Variants in ECE2 observed in about 807,000 individuals in gnomAD.
ECE2 encodes the protein endothelin converting enzyme 2.
A neutral mutation model predicts 100.6 loss-of-function variants in ECE2; 81 were observed. The observed-to-expected ratio is 0.81, with a 90% CI of 0.67 to 0.97. The LOEUF (loss-of-function observed/expected upper bound fraction) is 0.97, where lower values mean the gene tolerates loss of function less well. Among genes scored for constraint, ECE2 ranks in the 50% least tolerant of loss-of-function variants. ECE2 has a pLI of 0.00. For synonymous variants in ECE2, 391 were observed against 391.5 expected, an observed-to-expected ratio of 1.00 and a Z score of 0.02; for missense variants, 911 against 988.1, an observed-to-expected ratio of 0.92 and a Z score of 1.05.
At chr3:184,292,014 G>A (rs764122502) in intron 18 of ECE2, 48 bp from the exon 19 acceptor site, 19 of 1,562,916 alleles carry the variant, frequency 1.2e-5, no homozygotes, top group African/African-American at 1.1e-4. Context: ...TCTAAGGCCC[G>A]GCTCCACACT....
At position 184,292,064 on chromosome 3, in the gene ECE2, G is replaced by A. The variant is rs1025326148; in HGVS notation, c.2124G>A (p.Val708=). 4.3e-6 allele frequency: 7 copies of A among 1,611,684 alleles called. No homozygotes were observed. Among genetic ancestry groups the A allele is most frequent in the Non-Finnish European group, 5.9e-6 (7 of 1,178,434 alleles). Residue 708 remains valine, a splice_region_variant and synonymous_variant, in exon 19 of 19, where the codon GTG becomes GTA. Coordinates refer to ENST00000404464, the MANE Select transcript of ECE2 (RefSeq NM_001100121.2). The part of the protein sequence containing the change: ...HQLFFVGFAQ[V]WCSVRTPESS... ...CCCATGTCTGTCCTGGCCCGCAGGT[G>A]TGGTGCTCGGTCCGCACACCAGAGA...
In ECE2 at chr3:184,292,127, T is replaced by C. The variant is rs1164806252; in HGVS notation, c.2187T>C (p.Pro729=). 38 of 1,613,888 alleles carry C rather than the reference T, an allele frequency of 2.4e-5. No individual in the cohort carries two copies. The highest frequency in any genetic ancestry group is 4.5e-5 in the East Asian group (2 of 44,888). ...HEGLVTDPHS[P]ARFRVLGTLS... ...GGCTGGTGACCGACCCCCACAGCCCTGCCCGCTTCCGCGTGCTGGGCACTC... is the reference window on the plus strand; with the variant it reads ...GGCTGGTGACCGACCCCCACAGCCCCGCCCGCTTCCGCGTGCTGGGCACTC... The change falls in exon 19 of 19, where the codon CCT becomes CCC. Residue 729 remains proline, a synonymous_variant. Transcript: ENST00000404464.
At position 184,289,011 on chromosome 3, in the gene ECE2, C is replaced by T. The variant is rs1295752116; in HGVS notation, c.1375-426C>T. 7.2e-5 allele frequency among the ~76,000 whole-genome samples: 11 copies of T among 151,968 alleles called. No individual in the cohort carries two copies. Among genetic ancestry groups the T allele is most frequent in the East Asian group, 5.8e-4 (3 of 5,180 alleles). On this transcript the variant is annotated intron_variant, in intron 11 of 18. Coordinates refer to ENST00000404464, the MANE Select transcript of ECE2 (RefSeq NM_001100121.2). This position sits in a 1 kb window ranked among gnomAD's most constrained non-coding sequence, Gnocchi z 4.1. ...CTCTACTAAAAATACAAAAATTACC[C>T]GGGCATGATGGCGGGAGCCTGTAAT...
chr3:184,278,655 G>C, intron 7 of ECE2, 98 bp downstream of exon 7: 1 of 1,309,568 alleles, frequency 7.6e-7, no homozygotes, highest in South Asian at 1.3e-5. Flanking sequence ...CAGGGAAGGT[G>C]AGCCTATCCT....
intron 10 of ECE2, among the ~76,000 whole-genome samples, chr3:184,287,314 T>A (rs1721101182): frequency 6.9e-6 from 1 of 145,854 alleles, no homozygotes; most frequent in African/African-American, 2.6e-5. Context: ...TAGAAACTGC[T>A]GATAGACTGA....
Position 184,276,462 on chromosome 3 carries a change from A to T in ECE2, c.40-19A>T. The stretch of plus-strand genomic sequence containing the variant: ...CCCTCTCTGCCTGACCTCGGTTGGC[A>T]ACCCCGACTGTCTGGCAGATGGTGG... On this transcript the variant is annotated intron_variant, in intron 1 of 18. Coordinates refer to ENST00000404464, the MANE Select transcript of ECE2 (RefSeq NM_001100121.2). 1.2e-6 allele frequency: 2 copies of T among 1,600,426 alleles called. No individual in the cohort carries two copies. Among genetic ancestry groups the T allele is most frequent in the Non-Finnish European group, 1.7e-6 (2 of 1,175,636 alleles).
At chr3:184,287,192 C>A (rs987555801) in intron 10 of ECE2, among the ~76,000 whole-genome samples, 1 of 151,080 alleles carries the variant, frequency 6.6e-6, no homozygotes, top group African/African-American at 2.4e-5. Context: ...AGGAGAATGG[C>A]GTGAACCCGG....
At chr3:184,279,836 G>A (rs2108420450) in intron 7 of ECE2, among the ~76,000 whole-genome samples, 1 of 152,206 alleles carries the variant, frequency 6.6e-6, no homozygotes, top group South Asian at 2.1e-4. Context: ...AGCTCCCGGA[G>A]AGCCATTGCA....
chr3:184,278,694 T>G lies in ECE2; in HGVS notation c.816+137T>G, dbSNP rs904462696. 43 of 681,432 alleles carry G rather than the reference T, an allele frequency of 6.3e-5. 1 individual carries two copies. In the East Asian group the frequency reaches 1.2e-3, roughly 19 times the overall value. The allele number at this position is 681,432 out of a possible 1,614,324, so 42.2% of individuals were successfully genotyped here. On this transcript the variant is annotated intron_variant, in intron 7 of 18. Coordinates refer to ENST00000404464, the MANE Select transcript of ECE2 (RefSeq NM_001100121.2). Reference sequence around the variant, plus strand: ...ACCTAGTGAACAAACTGCCCCTCCTTTCTTTCTTCTTTTCTTCCTCCCTCC... The same window carrying G: ...ACCTAGTGAACAAACTGCCCCTCCTGTCTTTCTTCTTTTCTTCCTCCCTCC...
chr3:184,283,553 C>A (rs1720892898), intron 7 of ECE2, among the ~76,000 whole-genome samples: 1 of 84,554 alleles, frequency 1.2e-5, no homozygotes. Context: ...CAGAGTGAGA[C>A]TCCATCTCAA....
chr3:184,287,251 G>T (rs1414097643), intron 10 of ECE2, among the ~76,000 whole-genome samples: 1 of 151,448 alleles, frequency 6.6e-6, no homozygotes, highest in African/African-American at 2.4e-5. Flanking sequence ...ACTCCAGTCT[G>T]GGTGACAGAG....
At chr3:184,285,673 C>A in intron 10 of ECE2, 81 bp downstream of exon 10, 1 of 1,043,410 alleles carries the variant, frequency 9.6e-7, no homozygotes, top group Non-Finnish European at 1.5e-6. Flanking sequence ...GCACCATGTG[C>A]CTCATGGTGC....
intron 8 of ECE2, 90 bp downstream of exon 8, chr3:184,284,063 G>A (rs1036182718): frequency 6.8e-7 from 1 of 1,476,100 alleles, no homozygotes; most frequent in African/African-American, 1.4e-5. Flanking sequence ...CCCCAAGGCA[G>A]CCAGTCCTTT....
chr3:184,292,442 C>T lies in ECE2; in HGVS notation c.*204C>T, dbSNP rs3892286. 116,412 of 597,872 alleles carry T rather than the reference C, an allele frequency of 0.19. 13,362 individuals are homozygous for T. The highest frequency in any genetic ancestry group is 0.29 in the Middle Eastern group (635 of 2,226). The allele number at this position is 597,872 out of a possible 1,614,324, so 37.0% of individuals were successfully genotyped here. ...GGGGTGCCCCTGCCTCCAGCAGAGC[C>T]CCCACCATTCACTGTGACATCTTTC... On this transcript the variant is annotated 3_prime_UTR_variant, in exon 19 of 19. Coordinates refer to ENST00000404464, the MANE Select transcript of ECE2 (RefSeq NM_001100121.2).
intron 11 of ECE2, 136 bp downstream of exon 11, chr3:184,288,083 G>T (rs1473095936): frequency 1.0e-5 from 7 of 684,376 alleles, no homozygotes; most frequent in Non-Finnish European, 1.7e-5. Context: ...GGCCAAGGCG[G>T]GTGAATCATG....
intron 7 of ECE2, among the ~76,000 whole-genome samples, chr3:184,279,325 AAAAG>A (rs1560182340): frequency 6.7e-6 from 1 of 149,934 alleles, no homozygotes; most frequent in Non-Finnish European, 1.5e-5. Context: ...AAAAAAAAAA[AAAAG>A]AAAGAAAAAG....
rs565440145 is a variant in ECE2, at chr3:184,290,162, G to T, written c.1552-93G>T. 1.2e-5 allele frequency: 12 copies of T among 1,005,758 alleles called. No individual in the cohort carries two copies. In the African/African-American group the frequency reaches 1.9e-4, roughly 16 times the overall value. The allele number at this position is 1,005,758 out of a possible 1,614,324, so 62.3% of individuals were successfully genotyped here. A position where few individuals can be genotyped will look rare whatever the true frequency, so the allele number is the denominator to read the frequency against. The stretch of plus-strand genomic sequence containing the variant: ...ATATTTTACAGTTGAGGAAACTGAG[G>T]TTTGGAGAGATACTAATGAGTAGCC... On this transcript the variant is annotated intron_variant, in intron 13 of 18. Coordinates refer to ENST00000404464, the MANE Select transcript of ECE2 (RefSeq NM_001100121.2).
intron 8 of ECE2, 42 bp downstream of exon 8, chr3:184,284,015 C>T (rs1266383897): frequency 6.2e-7 from 1 of 1,605,202 alleles, no homozygotes; most frequent in Non-Finnish European, 8.5e-7. Context: ...GAGGGGCCAG[C>T]CTTGGCATGG....
chr3:184,288,931 T>G (rs1158830165), intron 11 of ECE2, among the ~76,000 whole-genome samples: 1 of 151,848 alleles, frequency 6.6e-6, no homozygotes, highest in Non-Finnish European at 1.5e-5. Context: ...CTGAGGCGGG[T>G]GGATCACGTG....
Sources: gnomAD v4.1 joint callset for allele counts (sites outside exome capture counted in the v4.1 genomes callset) on GRCh38, gnomAD v4.1.1 for gene constraint, Gnocchi (gnomAD v3.1) non-coding constraint, MANE v1.5 for transcripts, NCBI Gene and HGNC (gene_info 2026-07-23, HGNC 2026-07-21) for gene names.